Variants in TRPM3 observed in about 807,000 individuals in gnomAD.
TRPM3 encodes the protein long transient receptor potential channel 3.
In TRPM3, 77 loss-of-function variants were observed where a neutral mutation model predicts 181.2. The ratio of observed to expected loss-of-function variants is 0.42; its 90% confidence interval spans 0.35 to 0.51. The LOEUF (loss-of-function observed/expected upper bound fraction) is 0.51. TRPM3 is among the 20% of genes least tolerant of loss of function. The pLI is 0.01. For missense variants in TRPM3, 1,759 were observed against 2,196.7 expected, an observed-to-expected ratio of 0.80 and a Z score of 3.98; for synonymous variants, 745 against 796.4, an observed-to-expected ratio of 0.94 and a Z score of 1.09.
At chr9:71,175,853 A>ACATTATGG (rs2077081643) in intron 1 of TRPM3, among the ~76,000 whole-genome samples, 4 of 152,228 alleles carry the variant, frequency 2.6e-5, no homozygotes, top group Admixed American at 2.6e-4. Flanking sequence ...GTCATGTACT[A>ACATTATGG]CATTATGGCA....
intron 1 of TRPM3, among the ~76,000 whole-genome samples, chr9:71,073,024 C>T (rs1420464230): frequency 1.3e-5 from 2 of 152,176 alleles, no homozygotes; most frequent in African/African-American, 2.4e-5. Context: ...CGGCCCCTTC[C>T]TTTAAAACAG....
chr9:70,784,369 A>G, intron 6 of TRPM3, 90 bp from the exon 7 acceptor site: 2 of 1,382,762 alleles, frequency 1.4e-6, no homozygotes, highest in Non-Finnish European at 1.9e-6. Context: ...CAAAAAGCAC[A>G]AACTAAAATT....
intron 3 of TRPM3, among the ~76,000 whole-genome samples, chr9:70,855,999 C>T (rs2095376547): frequency 1.3e-5 from 2 of 152,116 alleles, no homozygotes; most frequent in Non-Finnish European, 1.5e-5. Flanking sequence ...TTTGCAATGT[C>T]TTAATATGAG....
intron 3 of TRPM3, among the ~76,000 whole-genome samples, chr9:70,857,973 T>C (rs1183271460): frequency 6.6e-6 from 1 of 152,162 alleles, no homozygotes; most frequent in Non-Finnish European, 1.5e-5. Context: ...GCCTGCATGA[T>C]AAAACAGACA....
At chr9:71,386,330 T>TC (rs1195441033) in intron 1 of TRPM3, among the ~76,000 whole-genome samples, 3 of 151,178 alleles carry the variant, frequency 2.0e-5, no homozygotes, top group Non-Finnish European at 4.4e-5. Context: ...ACGCGTGTAG[T>TC]CCCAGCTACT....
rs2041172010 is a variant in TRPM3, at chr9:70,533,490, C to T, written c.*2463G>A. 6.6e-6 allele frequency: 1 copy of T among 152,320 alleles called. No individual in the cohort carries two copies. Among genetic ancestry groups the T allele is most frequent in the East Asian group, 1.9e-4 (1 of 5,190 alleles). 9.4% of individuals were successfully genotyped at this position (152,320 alleles called of 1,614,324 possible). On this transcript the variant is annotated 3_prime_UTR_variant, in exon 26 of 26. Transcript: ENST00000677713. ...AAATGTAAAGTGCCTATTACAACTG[C>T]ATTAACTACGAGCAAACATGGTTCC...
In TRPM3 at chr9:70,530,998, A is replaced by C. The variant is rs959663293; in HGVS notation, c.*4955T>G. The C allele has an allele frequency of 3.3e-5, 5 of 152,218 alleles. No homozygotes were observed. Among genetic ancestry groups the C allele is most frequent in the Admixed American group, 3.3e-4 (5 of 15,270 alleles). The allele number at this position is 152,218 out of a possible 1,614,324, so 9.4% of individuals were successfully genotyped here. On this transcript the variant is annotated 3_prime_UTR_variant, in exon 26 of 26. Coordinates refer to ENST00000677713, the MANE Select transcript of TRPM3 (RefSeq NM_001366145.2). ...CCCAAACACACGCCTCCCACCCCCA[A>C]GGTGAAGAAGCCACAAGACAAGGAG...
At chr9:71,388,868 T>C (rs942272577) in intron 1 of TRPM3, among the ~76,000 whole-genome samples, 8 of 152,130 alleles carry the variant, frequency 5.3e-5, no homozygotes, top group Non-Finnish European at 1.2e-4. Flanking sequence ...AGCATCAAAA[T>C]GAGGTATCTG....
chr9:71,001,291 A>G (rs1456593941), intron 1 of TRPM3, among the ~76,000 whole-genome samples: 1 of 152,212 alleles, frequency 6.6e-6, no homozygotes, highest in African/African-American at 2.4e-5. Context: ...TTCAGTAGTC[A>G]TATGCCTTCT....
chr9:71,238,473 C>G (rs1254095434), intron 1 of TRPM3, among the ~76,000 whole-genome samples: 1 of 152,188 alleles, frequency 6.6e-6, no homozygotes, highest in Non-Finnish European at 1.5e-5. Flanking sequence ...GGCCAGCCCT[C>G]TTCCTTATCT....
At chr9:71,007,746 C>A (rs1369056526) in intron 1 of TRPM3, among the ~76,000 whole-genome samples, 1 of 151,962 alleles carries the variant, frequency 6.6e-6, no homozygotes, top group Non-Finnish European at 1.5e-5. Context: ...TACAAATGAA[C>A]ACAGCAAATG....
intron 1 of TRPM3, among the ~76,000 whole-genome samples, chr9:71,100,603 T>C (rs1338754202): frequency 6.6e-6 from 1 of 152,164 alleles, no homozygotes; most frequent in Admixed American, 6.6e-5. Flanking sequence ...AGTAATCATT[T>C]CCTAAATCTT....
At chr9:70,661,708 AC>A (rs767030745) in intron 9 of TRPM3, among the ~76,000 whole-genome samples, 9 of 152,124 alleles carry the variant, frequency 5.9e-5, no homozygotes, top group African/African-American at 9.7e-5. Flanking sequence ...TTAGGAATAC[AC>A]TTAACTAAGG....
intron 15 of TRPM3, among the ~76,000 whole-genome samples, chr9:70,620,832 G>A (rs1293013632): frequency 6.6e-6 from 1 of 151,664 alleles, no homozygotes; most frequent in Non-Finnish European, 1.5e-5. Context: ...AAGTAGTTCT[G>A]GCCTTTAGAC....
rs1477163424 is a variant in TRPM3 at position 70,998,262 on chromosome 9, TA to T, written c.177+122915del. On this transcript the variant is annotated intron_variant, in intron 1 of 25. Transcript: ENST00000677713. ...ACACACACACACACATATATATATA[TA>T]TATTTTTTTTAGTATTTTTCTTACC... is the stretch of plus-strand genomic sequence containing the variant. 2.6e-3 allele frequency among the ~76,000 whole-genome samples: 322 copies of T among 123,266 alleles called. 1 individual carries two copies. The highest frequency in any genetic ancestry group is 3.3e-3 in the African/African-American group (122 of 36,460). The allele number at this position is 123,266 out of a possible 152,430, so 80.9% of individuals were successfully genotyped here.
At position 70,608,676 on chromosome 9, in the gene TRPM3, A is replaced by AAATAC. The variant is rs540067202; in HGVS notation, c.2667+1928_2667+1932dup. Reference sequence around the variant, plus strand: ...CGTGGCAAAACCCCATCTCTACTAAAAATACAAAAATTAATTAGCCAGGTG... The same window carrying AAATAC: ...CGTGGCAAAACCCCATCTCTACTAAAAATACAATACAAAAATTAATTAGCCAGGTG... On this transcript the variant is annotated intron_variant, in intron 19 of 25. Coordinates refer to ENST00000677713, the MANE Select transcript of TRPM3 (RefSeq NM_001366145.2). Among the ~76,000 whole-genome samples the AAATAC allele has an allele frequency of 4.6e-5, 7 of 152,262 alleles. No individual in the cohort carries two copies. The East Asian group carries it at 1.2e-3, about 25-fold the overall frequency.
chr9:71,420,674 A>AAAGG (rs2093718786), intron 1 of TRPM3, among the ~76,000 whole-genome samples: 1 of 139,518 alleles, frequency 7.2e-6, no homozygotes, highest in Non-Finnish European at 1.6e-5. Flanking sequence ...AAAGAAAGAG[A>AAAGG]GAAAGAAAGA....
At chr9:70,772,216 GA>G (rs2080426996) in intron 7 of TRPM3, among the ~76,000 whole-genome samples, 2 of 152,056 alleles carry the variant, frequency 1.3e-5, no homozygotes, top group South Asian at 4.1e-4. Flanking sequence ...ACAATGAAAT[GA>G]AATTTAAAAT....
intron 1 of TRPM3, among the ~76,000 whole-genome samples, chr9:70,940,343 GT>G (rs2096873576): frequency 6.6e-6 from 1 of 152,206 alleles, no homozygotes; most frequent in African/African-American, 2.4e-5. Flanking sequence ...TCAACAGGCT[GT>G]TTTATCTCTT....
Sources: gnomAD v4.1 joint callset for allele counts (sites outside exome capture counted in the v4.1 genomes callset) on GRCh38, gnomAD v4.1.1 for gene constraint, MANE v1.5 for transcripts, NCBI Gene and HGNC (gene_info 2026-07-23, HGNC 2026-07-21) for gene names.